Variants in MTHFD1L observed in about 807,000 individuals in gnomAD.
MTHFD1L encodes the protein methylenetetrahydrofolate dehydrogenase (NADP+ dependent) 1 like, also known as monofunctional C1-tetrahydrofolate synthase, mitochondrial.
A neutral mutation model predicts 119.5 loss-of-function variants in MTHFD1L; 81 were observed. The observed-to-expected ratio is 0.68, with a 90% CI of 0.57 to 0.82. MTHFD1L has a LOEUF of 0.82. Ranked by LOEUF, MTHFD1L falls within the 40% of genes least tolerant of loss-of-function variation. The pLI is 0.00. For missense variants in MTHFD1L, 1,125 were observed against 1,253.4 expected (o/e 0.90, Z 1.55); for synonymous variants, 430 against 475.2 (o/e 0.90, Z 1.24).
chr6:150,873,299 G>A (rs1336992510), intron 1 of MTHFD1L, among the ~76,000 whole-genome samples: 1 of 152,094 alleles, frequency 6.6e-6, no homozygotes, highest in Non-Finnish European at 1.5e-5. Flanking sequence ...TGGAAACAAA[G>A]TGAGACTCCG....
chr6:150,866,144 G>A, intron 1 of MTHFD1L, 95 bp downstream of exon 1: 1 of 1,413,486 alleles, frequency 7.1e-7, no homozygotes, highest in African/African-American at 1.5e-5. Context: ...AGCGGGGCGC[G>A]GGGCTGCGAG....
chr6:150,871,064 ATATATATACCTTAAT>A (rs1418789077), intron 1 of MTHFD1L, among the ~76,000 whole-genome samples: 5 of 145,096 alleles, frequency 3.4e-5, no homozygotes, highest in African/African-American at 5.0e-5. Flanking sequence ...ATATACCTTA[ATATATATACCTTAAT>A]TATATATATA....
At chr6:150,990,328 G>T (rs1379012924) in intron 20 of MTHFD1L, among the ~76,000 whole-genome samples, 1 of 151,868 alleles carries the variant, frequency 6.6e-6, no homozygotes, top group Non-Finnish European at 1.5e-5. Context: ...TAAACTAATT[G>T]TAAGTATCAG....
chr6:150,881,344 C>G (rs1781366175), intron 4 of MTHFD1L, among the ~76,000 whole-genome samples: 1 of 152,192 alleles, frequency 6.6e-6, no homozygotes, highest in African/African-American at 2.4e-5. Flanking sequence ...TGAAGAGGCT[C>G]TCTTTCCACA....
chr6:150,981,934 T>G (rs1472253024), intron 20 of MTHFD1L, among the ~76,000 whole-genome samples: 1 of 151,968 alleles, frequency 6.6e-6, no homozygotes, highest in African/African-American at 2.4e-5. Context: ...AAAAAAATTT[T>G]TAATTAGCCA....
chr6:150,945,421 G>T, intron 14 of MTHFD1L, 46 bp from the exon 15 acceptor site: 1 of 1,508,876 alleles, frequency 6.6e-7, no homozygotes, highest in African/African-American at 1.4e-5. Flanking sequence ...CCAAGTTCAT[G>T]GACAACTAAC....
intron 20 of MTHFD1L, among the ~76,000 whole-genome samples, chr6:150,986,347 T>C (rs1778298187): frequency 2.0e-5 from 3 of 152,232 alleles, no homozygotes; most frequent in Non-Finnish European, 4.4e-5. Flanking sequence ...CTAAATTGCA[T>C]TGTGATATAA....
intron 8 of MTHFD1L, among the ~76,000 whole-genome samples, chr6:150,916,952 G>C (rs561598141): frequency 6.7e-6 from 1 of 149,976 alleles, no homozygotes; most frequent in Non-Finnish European, 1.5e-5. Context: ...GTAGAGATGG[G>C]GTTTCTCCAT....
At chr6:150,990,287 A>C (rs1778881986) in intron 20 of MTHFD1L, among the ~76,000 whole-genome samples, 1 of 152,054 alleles carries the variant, frequency 6.6e-6, no homozygotes, top group Admixed American at 6.6e-5. Flanking sequence ...CAAAAAAAAA[A>C]AAGGCTTTTT....
rs1270857811 is a variant in MTHFD1L at position 150,916,457 on chromosome 6, C to T, written c.893-2120C>T. Among the ~76,000 whole-genome samples the T allele has an allele frequency of 7.0e-5, 9 of 129,440 alleles. No individual in the cohort carries two copies. In the East Asian group the frequency reaches 1.5e-3, roughly 21 times the overall value. 84.9% of individuals were successfully genotyped at this position (129,440 alleles called of 152,430 possible). On this transcript the variant is annotated intron_variant, in intron 8 of 27. Coordinates refer to ENST00000367321, the MANE Select transcript of MTHFD1L (RefSeq NM_015440.5). Reference sequence around the variant, plus strand: ...CTGGGATCACAGGTGTGCACCACCACGCCCAGCTAATTTTTTTTTTTTTTT... The same window carrying T: ...CTGGGATCACAGGTGTGCACCACCATGCCCAGCTAATTTTTTTTTTTTTTT...
At chr6:151,046,471 G>GTACATA (rs1788063684) in intron 26 of MTHFD1L, among the ~76,000 whole-genome samples, 1 of 36,430 alleles carries the variant, frequency 2.7e-5, no homozygotes, top group Non-Finnish European at 7.7e-5. Flanking sequence ...ATGTGTGTGT[G>GTACATA]TATATATATA....
At chr6:151,074,536 G>A (rs1420567313) in intron 26 of MTHFD1L, among the ~76,000 whole-genome samples, 1 of 152,192 alleles carries the variant, frequency 6.6e-6, no homozygotes, top group African/African-American at 2.4e-5. Flanking sequence ...ATAACTATAT[G>A]TGGTGTGGTA....
intron 1 of MTHFD1L, among the ~76,000 whole-genome samples, chr6:150,874,180 T>A (rs1780012051): frequency 6.6e-6 from 1 of 152,206 alleles, no homozygotes; most frequent in Non-Finnish European, 1.5e-5. Context: ...ATAAGGTGAT[T>A]TGTAAACTTT....
chr6:150,867,277 C>T (rs1017100864), intron 1 of MTHFD1L, among the ~76,000 whole-genome samples: 2 of 152,126 alleles, frequency 1.3e-5, no homozygotes, highest in African/African-American at 4.8e-5. Flanking sequence ...ATGCAGCCTC[C>T]GCCTCCTGGG....
chr6:151,005,900 G>C (rs1176258007), intron 20 of MTHFD1L, among the ~76,000 whole-genome samples: 1 of 151,954 alleles, frequency 6.6e-6, no homozygotes, highest in African/African-American at 2.4e-5. Flanking sequence ...TTGTAGTATT[G>C]TAAGAAAAAA....
At chr6:151,092,428 A>G (rs978800614) in intron 26 of MTHFD1L, 39 bp from the exon 27 acceptor site, 1 of 1,523,520 alleles carries the variant, frequency 6.6e-7, no homozygotes, top group Non-Finnish European at 9.1e-7. Context: ...GCCGCTTTGT[A>G]GCATTTGCTA....
chr6:151,009,455 GC>G (rs1781909396), intron 20 of MTHFD1L, among the ~76,000 whole-genome samples: 1 of 151,518 alleles, frequency 6.6e-6, no homozygotes, highest in South Asian at 2.1e-4. Context: ...AATCGCTTGT[GC>G]CCGGGAGGCA....
At chr6:151,072,586 C>T (rs984911948) in intron 26 of MTHFD1L, among the ~76,000 whole-genome samples, 1 of 151,930 alleles carries the variant, frequency 6.6e-6, no homozygotes, top group South Asian at 2.1e-4. Flanking sequence ...CCCAGGAGTT[C>T]GACATCAGCA....
rs754282645 is a variant in MTHFD1L, at chr6:151,013,825, G to T, written c.2307+5G>T. On this transcript the variant is annotated splice_donor_5th_base_variant and intron_variant, in intron 22 of 27. Transcript: ENST00000367321. ...AAGAAAGAATATACAGAGGAGGTAA[G>T]AGGAGCTGTTTAGATGCTTATGTGA... 3 of 1,611,250 alleles carry T rather than the reference G, an allele frequency of 1.9e-6. No homozygotes were observed. In the African/African-American group the frequency reaches 4.0e-5, roughly 22 times the overall value.
Sources: gnomAD v4.1 joint callset for allele counts (sites outside exome capture counted in the v4.1 genomes callset) on GRCh38, gnomAD v4.1.1 for gene constraint, MANE v1.5 for transcripts, NCBI Gene and HGNC (gene_info 2026-07-23, HGNC 2026-07-21) for gene names.